SMUG1: variants seen among roughly 807,000 people sequenced by gnomAD.
SMUG1 encodes the protein single-strand selective monofunctional uracil DNA glycosylase.
A neutral mutation model predicts 23.9 loss-of-function variants in SMUG1; 13 were observed. That is an observed-to-expected ratio of 0.54 (90% CI 0.35 to 0.86). The LOEUF is 0.86. Ranked by LOEUF, SMUG1 falls within the 40% of genes least tolerant of loss-of-function variation. The pLI is 0.01. For synonymous variants in SMUG1, 133 were observed against 139.8 expected (o/e 0.95, Z 0.34); for missense variants, 313 against 339.5 (o/e 0.92, Z 0.61).
At position 54,182,645 on chromosome 12, in the gene SMUG1, T is replaced by A. The variant is rs111953762; in HGVS notation, c.286-22A>T. 4.0e-4 allele frequency: 630 copies of A among 1,587,408 alleles called. 2 individuals are homozygous for A. In the African/African-American group the frequency reaches 7.4e-3, roughly 19 times the overall value. ...GCACCTGTGAGGAAGGAGAGAGACA[T>A]GAAAGGCTTCAAACTGGAGACCTGA... On this transcript the variant is annotated intron_variant, in intron 3 of 3. Coordinates refer to ENST00000682136, the MANE Select transcript of SMUG1 (RefSeq NM_001243787.2).
downstream of SMUG1, among the ~76,000 whole-genome samples, chr12:54,179,713 C>G (rs370139717): frequency 6.6e-5 from 10 of 152,156 alleles, no homozygotes; most frequent in East Asian, 1.5e-3. Flanking sequence ...ACCTGCACTT[C>G]TGACCAACTG....
intron 3 of SMUG1, chr12:54,183,345 A>G (rs1430527369): frequency 9.6e-6 from 5 of 521,708 alleles, no homozygotes; most frequent in African/African-American, 1.9e-5. Flanking sequence ...TCTGACCCCA[A>G]CCACACTTCA....
intron 3 of SMUG1, among the ~76,000 whole-genome samples, chr12:54,169,541 GT>G (rs1367249054): frequency 6.6e-6 from 1 of 151,350 alleles, no homozygotes; most frequent in East Asian, 1.9e-4. Context: ...CTGGGGAGGG[GT>G]TCTGGAAGAA....
At chr12:54,175,803 C>G (rs560304693), downstream of SMUG1, among the ~76,000 whole-genome samples, 1 of 152,296 alleles carries the variant, frequency 6.6e-6, no homozygotes, top group Admixed American at 6.5e-5. Context: ...AGGAATGACA[C>G]ACACACAGCA....
In SMUG1 at chr12:54,183,930, G is replaced by A; in HGVS notation, c.11C>T (p.Ala4Val). The A allele has an allele frequency of 6.4e-7, 1 of 1,565,604 alleles. No individual in the cohort carries two copies. The highest frequency in any genetic ancestry group is 1.4e-5 in the African/African-American group (1 of 73,984). Residue 4 changes from alanine (A) to valine (V), a missense_variant, in exon 3 of 4, where the codon GCT becomes GTT. Ala to Val is a moderately conservative substitution (Grantham distance 64). Transcript: ENST00000682136. Reference protein sequence around the residue: MPQAFLLGSIHEPA... With the variant: MPQVFLLGSIHEPA... ...CTCATGGATGGACCCCAGCAGGAAAGCCTGGGGCATATGTCCATGCCGCTG... is the reference window on the plus strand; with the variant it reads ...CTCATGGATGGACCCCAGCAGGAAAACCTGGGGCATATGTCCATGCCGCTG...
At chr12:54,175,395 T>A (rs958797465), downstream of SMUG1, among the ~76,000 whole-genome samples, 2 of 152,252 alleles carry the variant, frequency 1.3e-5, no homozygotes, top group African/African-American at 4.8e-5. Context: ...AACCCTTGGC[T>A]CTTGCCTAAT....
chr12:54,165,856 AGT>A (rs1940441273), intron 3 of SMUG1, among the ~76,000 whole-genome samples: 1 of 152,208 alleles, frequency 6.6e-6, no homozygotes, highest in Non-Finnish European at 1.5e-5. Flanking sequence ...GAAACCAGGT[AGT>A]AGCTTAAAAG....
Position 54,170,999 on chromosome 12 carries a change from C to CTT in SMUG1, c.*52+1024_*52+1025dup, listed in dbSNP as rs200562796. Among the ~76,000 whole-genome samples, 119 of 142,434 alleles carry CTT rather than the reference C, an allele frequency of 8.4e-4. 1 individual carries two copies. The East Asian group carries it at 9.6e-3, about 12-fold the overall frequency. The allele number at this position is 142,434 out of a possible 152,430, so 93.4% of individuals were successfully genotyped here. ...TGGATGCCCTTCACTTTCTTTCTTTCTTTTTTTTTTTTTTGAGACGAAGTG... is the reference window on the plus strand; with the variant it reads ...TGGATGCCCTTCACTTTCTTTCTTTCTTTTTTTTTTTTTTTTGAGACGAAGTG... On this transcript the variant is annotated intron_variant and NMD_transcript_variant, in intron 3 of 4. Transcript: ENST00000509864.
downstream of SMUG1, among the ~76,000 whole-genome samples, chr12:54,161,456 G>T (rs763019094): frequency 6.6e-5 from 10 of 152,170 alleles, no homozygotes; most frequent in Non-Finnish European, 8.8e-5. The surrounding 1 kb of genome is among the most constrained non-coding windows in gnomAD (Gnocchi z 4.2). Context: ...CCAGGCACCA[G>T]GGGAGGGCAG....
intron 2 of SMUG1, 84 bp from the exon 3 acceptor site, chr12:54,184,043 A>G: frequency 8.3e-7 from 1 of 1,209,558 alleles, no homozygotes; most frequent in African/African-American, 1.5e-5. Flanking sequence ...CCCCACTACC[A>G]TTTCCTGGGC....
chr12:54,188,280 A>G (rs1194862028), intron 1 of SMUG1, among the ~76,000 whole-genome samples: 2 of 29,880 alleles, frequency 6.7e-5, no homozygotes, highest in African/African-American at 2.0e-4. Context: ...TAATAATAAT[A>G]ATAATAATAA....
In SMUG1 at chr12:54,182,512, G is replaced by C. The variant is rs984545727; in HGVS notation, c.397C>G (p.Gln133Glu). The stretch of plus-strand genomic sequence containing the variant: ...AATCGGGCACCACTCACTTCTGACT[G>C]TGGGCACTCCAGTCCCAGCACTGGT... ...KRPVLGLECP[Q>E]SEVSGARFWG... is the part of the protein sequence containing the mutation. The change falls in exon 4 of 4, where the codon CAG (glutamine) becomes GAG (glutamate). Residue 133 changes from glutamine to glutamate, a missense_variant. Gln to Glu is a conservative substitution (Grantham distance 29). Coordinates refer to ENST00000682136, the MANE Select transcript of SMUG1 (RefSeq NM_001243787.2). The C allele has an allele frequency of 1.3e-5, 21 of 1,614,010 alleles. No homozygotes were observed. Among genetic ancestry groups the C allele is most frequent in the Non-Finnish European group, 1.8e-5 (21 of 1,180,030 alleles).
chr12:54,176,664 G>A (rs900468602), downstream of SMUG1, among the ~76,000 whole-genome samples: 18 of 151,018 alleles, frequency 1.2e-4, no homozygotes, highest in African/African-American at 3.6e-4. Flanking sequence ...AAAATTAGCC[G>A]GGCGTGGTAG....
At chr12:54,177,151 G>C (rs557389958), downstream of SMUG1, among the ~76,000 whole-genome samples, 9 of 152,308 alleles carry the variant, frequency 5.9e-5, no homozygotes, top group South Asian at 1.9e-3. Context: ...AAAGAAAAAG[G>C]AGACCCTGGC....
chr12:54,173,444 G>C (rs1940673693), intron 2 of SMUG1, among the ~76,000 whole-genome samples: 1 of 152,154 alleles, frequency 6.6e-6, no homozygotes, highest in Non-Finnish European at 1.5e-5. Flanking sequence ...GCGGCCGGGA[G>C]CGGGGCGGGC....
rs754271148 is a variant in SMUG1 at position 54,181,549 on chromosome 12, G to A, written c.*547C>T. The A allele has an allele frequency of 2.1e-5, 32 of 1,544,034 alleles. No homozygotes were observed. In the African/African-American group the frequency reaches 3.5e-4, roughly 17 times the overall value. ...GCTGGGATGAAAAGCCAGGTCTTCTGACTTGCACTCTGTCACACTGGATTT... is the reference window on the plus strand; with the variant it reads ...GCTGGGATGAAAAGCCAGGTCTTCTAACTTGCACTCTGTCACACTGGATTT... On this transcript the variant is annotated 3_prime_UTR_variant, in exon 4 of 4. Transcript: ENST00000682136.
chr12:54,159,844 A>G (rs901570785), downstream of SMUG1, among the ~76,000 whole-genome samples: 1 of 152,244 alleles, frequency 6.6e-6, no homozygotes, highest in African/African-American at 2.4e-5. Context: ...TCGGAGCATC[A>G]GCCAGGGCGC....
chr12:54,184,460 T>C (rs1317766150), intron 2 of SMUG1, among the ~76,000 whole-genome samples: 2 of 152,228 alleles, frequency 1.3e-5, no homozygotes, highest in Admixed American at 6.5e-5. Context: ...TTCCAGGTGG[T>C]GAGCGACTGC....
chr12:54,159,438 A>T (rs1940165248), intron 4 of SMUG1, among the ~76,000 whole-genome samples: 1 of 151,900 alleles, frequency 6.6e-6, no homozygotes, highest in South Asian at 2.1e-4. Flanking sequence ...CCTGAGAATG[A>T]CCTTGTGGGG....
Sources: allele counts gnomAD v4.1 joint callset (sites outside exome capture counted in the v4.1 genomes callset), GRCh38; gene constraint gnomAD v4.1.1; non-coding constraint Gnocchi (gnomAD v3.1); transcripts MANE v1.5; gene names NCBI Gene and HGNC (gene_info 2026-07-23, HGNC 2026-07-21).